The following TMOD2 variants were observed in gnomAD, a reference collection of about 807,000 sequenced individuals.
The protein encoded by TMOD2 is tropomodulin-2.
TMOD2 carries 22 observed loss-of-function variants against 39.9 expected under a neutral mutation model. The ratio of observed to expected loss-of-function variants is 0.55; its 90% CI spans 0.39 to 0.79. TMOD2 has a LOEUF of 0.79. TMOD2 is among the 30% of genes least tolerant of loss of function. The pLI is 0.00. For missense variants in TMOD2, 386 were observed against 413.3 expected, an observed-to-expected ratio of 0.93 and a Z score of 0.57; for synonymous variants, 123 against 146.1, an observed-to-expected ratio of 0.84 and a Z score of 1.14.
At chr15:51,786,740 G>C (rs2055972786) in intron 7 of TMOD2, among the ~76,000 whole-genome samples, 1 of 152,226 alleles carries the variant, frequency 6.6e-6, no homozygotes, top group African/African-American at 2.4e-5. Context: ...TGTCCCCACT[G>C]AATGCCAATG....
intron 9 of TMOD2, 41 bp downstream of exon 9, chr15:51,806,562 C>G: frequency 6.2e-7 from 1 of 1,608,212 alleles, no homozygotes; most frequent in Non-Finnish European, 8.5e-7. Context: ...ATTAGAAGAG[C>G]ATGAGCATTC....
chr15:51,763,150 G>T (rs2055793152), intron 1 of TMOD2, among the ~76,000 whole-genome samples: 1 of 152,076 alleles, frequency 6.6e-6, no homozygotes, highest in Non-Finnish European at 1.5e-5. Context: ...TGTTGCCCAG[G>T]CTGGTCTCAA....
At chr15:51,775,043 G>T (rs1028524744) in intron 4 of TMOD2, among the ~76,000 whole-genome samples, 2 of 152,180 alleles carry the variant, frequency 1.3e-5, no homozygotes, top group African/African-American at 2.4e-5. Flanking sequence ...AAGCCTGGCT[G>T]GGGCTGTTGG....
At position 51,787,040 on chromosome 15, in the gene TMOD2, A is replaced by AGGGGTT. The variant is rs1040231592; in HGVS notation, c.732+4223_732+4228dup. Among the ~76,000 whole-genome samples the AGGGGTT allele has an allele frequency of 7.9e-5, 12 of 152,286 alleles. No homozygotes were observed. In the South Asian group the frequency reaches 2.5e-3, roughly 32 times the overall value. ...GGGCGGGGCATCACCTCACCCGGGAAGGGGTTGGGGTTGGGGGATTTCCCT... is the reference window on the plus strand; with the variant it reads ...GGGCGGGGCATCACCTCACCCGGGAAGGGGTTGGGGTTGGGGTTGGGGGATTTCCCT... On this transcript the variant is annotated intron_variant, in intron 7 of 9. Coordinates refer to ENST00000249700, the MANE Select transcript of TMOD2 (RefSeq NM_014548.4).
intron 1 of TMOD2, among the ~76,000 whole-genome samples, chr15:51,759,068 C>T (rs959537316): frequency 2.0e-5 from 3 of 152,034 alleles, no homozygotes; most frequent in African/African-American, 4.8e-5. Context: ...ATTTGTATGG[C>T]GAATGGATCA....
chr15:51,783,771 A>ATAGATAGATAGG (rs2055949147), intron 7 of TMOD2: 1 of 151,514 alleles, frequency 6.6e-6, no homozygotes, highest in East Asian at 1.9e-4. Context: ...AGATAGATAG[A>ATAGATAGATAGG]TAGATAGATA....
intron 6 of TMOD2, among the ~76,000 whole-genome samples, chr15:51,781,823 A>AGT (rs57436390): frequency 0.02 from 2,974 of 149,478 alleles, 41 homozygotes; most frequent in Non-Finnish European, 0.027. Context: ...AGAGAGAGAG[A>AGT]GTGTGTGTGT....
chr15:51,768,504 CT>C, intron 3 of TMOD2, 86 bp downstream of exon 3: 2 of 1,320,260 alleles, frequency 1.5e-6, no homozygotes, highest in South Asian at 2.9e-5. Flanking sequence ...AAGATTACCT[CT>C]TTTTATTTTA....
intron 5 of TMOD2, among the ~76,000 whole-genome samples, chr15:51,778,149 A>G (rs1211487662): frequency 6.6e-6 from 1 of 151,790 alleles, no homozygotes; most frequent in Non-Finnish European, 1.5e-5. Flanking sequence ...ATGGAATACT[A>G]TGCAGCCATA....
At chr15:51,757,396 C>T (rs8025069) in intron 1 of TMOD2, among the ~76,000 whole-genome samples, 55,569 of 129,736 alleles carry the variant, frequency 0.43, 11,506 homozygotes, top group Admixed American at 0.49. Context: ...AGCCAGACTC[C>T]GTCTCAAAAA....
Position 51,809,626 on chromosome 15 carries a change from C to T in TMOD2, c.*1172C>T, listed in dbSNP as rs903688290. 1.3e-5 allele frequency: 2 copies of T among 152,226 alleles called. No individual in the cohort carries two copies. The highest frequency in any genetic ancestry group is 2.9e-5 in the Non-Finnish European group (2 of 68,044). 9.4% of individuals were successfully genotyped at this position (152,226 alleles called of 1,614,324 possible). A position where few individuals can be genotyped will look rare whatever the true frequency, so the allele number is the denominator to read the frequency against. On this transcript the variant is annotated 3_prime_UTR_variant, in exon 10 of 10. Coordinates refer to ENST00000249700, the MANE Select transcript of TMOD2 (RefSeq NM_014548.4). ...AGTGCTAAACTAATGAAGCAGGTGA[C>T]TGCAGCCTTTGGCTCAAGCTCACAA...
chr15:51,805,150 G>A (rs2056114077), intron 8 of TMOD2, among the ~76,000 whole-genome samples: 1 of 151,470 alleles, frequency 6.6e-6, no homozygotes, highest in Non-Finnish European at 1.5e-5. Flanking sequence ...AGTAGAAACG[G>A]CGTTTCACCA....
At chr15:51,793,667 G>A (rs28650792) in intron 7 of TMOD2, among the ~76,000 whole-genome samples, 1 of 152,190 alleles carries the variant, frequency 6.6e-6, no homozygotes, top group Non-Finnish European at 1.5e-5. Flanking sequence ...GTGAACCTGG[G>A]CCTACAGCCC....
At chr15:51,757,401 CAAAAAAAAA>C (rs3078133) in intron 1 of TMOD2, among the ~76,000 whole-genome samples, 1 of 81,906 alleles carries the variant, frequency 1.2e-5, no homozygotes. Context: ...GACTCCGTCT[CAAAAAAAAA>C]AAAAAAAAAA....
chr15:51,766,811 G>A (rs1224945910), intron 2 of TMOD2: 2 of 303,694 alleles, frequency 6.6e-6, no homozygotes. Flanking sequence ...ATTTTCCGTT[G>A]GTTGAGAAAG....
chr15:51,795,442 A>G (rs1037939192), intron 7 of TMOD2, among the ~76,000 whole-genome samples: 7 of 151,718 alleles, frequency 4.6e-5, no homozygotes, highest in Admixed American at 6.6e-5. Flanking sequence ...AAAAAAAAAA[A>G]AAGTTTTTTT....
chr15:51,811,479 A>G lies in TMOD2; in HGVS notation c.*3025A>G, dbSNP rs2056156170. 1 of 152,200 alleles carries G rather than the reference A, an allele frequency of 6.6e-6. No individual in the cohort carries two copies. The highest frequency in any genetic ancestry group is 1.9e-4 in the East Asian group (1 of 5,202). 9.4% of individuals were successfully genotyped at this position (152,200 alleles called of 1,614,324 possible). A position where few individuals can be genotyped will look rare whatever the true frequency, so the allele number is the denominator to read the frequency against. On this transcript the variant is annotated 3_prime_UTR_variant, in exon 10 of 10. Transcript: ENST00000249700. ...TTGTGGGCTTGTATCACCAACATCTATTATGGCACATGTAGATGACATTTA... is the reference window on the plus strand; with the variant it reads ...TTGTGGGCTTGTATCACCAACATCTGTTATGGCACATGTAGATGACATTTA...
At chr15:51,760,241 G>A (rs767777101) in intron 1 of TMOD2, among the ~76,000 whole-genome samples, 1 of 152,218 alleles carries the variant, frequency 6.6e-6, no homozygotes, top group Admixed American at 6.5e-5. Flanking sequence ...TTTTGTGGAA[G>A]TTAGAAGTCT....
chr15:51,791,684 G>T (rs1272266682), intron 7 of TMOD2, among the ~76,000 whole-genome samples: 1 of 152,080 alleles, frequency 6.6e-6, no homozygotes, highest in African/African-American at 2.4e-5. Context: ...CAGAACGGAT[G>T]CCTCAGAAAT....
Sources: gnomAD v4.1 joint callset for allele counts (sites outside exome capture counted in the v4.1 genomes callset) on GRCh38, gnomAD v4.1.1 for gene constraint, MANE v1.5 for transcripts, NCBI Gene and HGNC (gene_info 2026-07-23, HGNC 2026-07-21) for gene names.